Variants in CHRNA4 observed in about 807,000 individuals in gnomAD.
CHRNA4 encodes the protein neuronal acetylcholine receptor subunit alpha-4.
Under a neutral mutation model 48.9 loss-of-function variants are expected in CHRNA4, and 28 were observed. The observed-to-expected ratio is 0.57, with a 90% confidence interval of 0.42 to 0.79. CHRNA4 has a LOEUF of 0.79. CHRNA4 is among the 30% of genes least tolerant of loss of function. The pLI, the probability that CHRNA4 is intolerant of heterozygous loss-of-function variation, is 0.00. For missense variants in CHRNA4, 859 were observed against 898.4 expected (o/e 0.96, Z 0.56); for synonymous variants, 425 against 402.3 (o/e 1.06, Z -0.68).
rs2068778367 is a variant in CHRNA4, at chr20:63,359,752, A to G, written c.77-53T>C. 8 of 1,591,122 alleles carry G rather than the reference A, an allele frequency of 5.0e-6. No homozygotes were observed. The African/African-American group carries it at 8.1e-5, about 16-fold the overall frequency. On this transcript the variant is annotated intron_variant, in intron 1 of 5. Coordinates refer to ENST00000370263, the MANE Select transcript of CHRNA4 (RefSeq NM_000744.7). ...AGGTGCAGGCGGGACAGGAGCCGGG[A>G]GCTGTCCAGGAGCTCTCCAGGCTGC...
At chr20:63,354,520 G>A (rs1488289920) in intron 4 of CHRNA4, 3 of 943,308 alleles carry the variant, frequency 3.2e-6, no homozygotes, top group South Asian at 4.9e-5. Context: ...GTGGTCCTGG[G>A]GGAGCTGTGA....
At chr20:63,348,218 G>A (rs1208078887) in intron 5 of CHRNA4, among the ~76,000 whole-genome samples, 2 of 152,276 alleles carry the variant, frequency 1.3e-5, no homozygotes, top group South Asian at 2.1e-4. Flanking sequence ...GCGCGCGACC[G>A]CCGAGCTCAG....
At chr20:63,353,568 G>A (rs1314850883) in intron 4 of CHRNA4, among the ~76,000 whole-genome samples, 3 of 111,088 alleles carry the variant, frequency 2.7e-5, no homozygotes, top group African/African-American at 7.0e-5. Flanking sequence ...CTGTGGTCCT[G>A]GGGGGGCTGC....
At chr20:63,359,901 G>GTGTGTGTGTGCCGGGCGTGCGC (rs1183276313) in intron 1 of CHRNA4, 12 of 298,940 alleles carry the variant, frequency 4.0e-5, no homozygotes, top group East Asian at 3.2e-4. Flanking sequence ...CGTGTGCTGT[G>GTGTGTGTGTGCCGGGCGTGCGC]TGTGTGTGTG....
intron 1 of CHRNA4, chr20:63,360,195 A>G: frequency 1.1e-5 from 2 of 182,680 alleles, no homozygotes; most frequent in East Asian, 2.8e-4. Flanking sequence ...GAGGGAGTAC[A>G]GGGCAGCGGG....
At chr20:63,349,067 C>G (rs2123468314) in intron 5 of CHRNA4, among the ~76,000 whole-genome samples, 1 of 152,218 alleles carries the variant, frequency 6.6e-6, no homozygotes, top group Non-Finnish European at 1.5e-5. Context: ...CGTTCTGCCC[C>G]CAGCCCCTGG....
rs758623267 is a variant in CHRNA4 at position 63,346,013 on chromosome 20, C to T, written c.*725G>A. Reference sequence around the variant, plus strand: ...CGCTGGGGCTGGGTGTTCCTGTCCCCCGCGGAGGGCCTGCGCAGGGGAGAG... The same window carrying T: ...CGCTGGGGCTGGGTGTTCCTGTCCCTCGCGGAGGGCCTGCGCAGGGGAGAG... On this transcript the variant is annotated 3_prime_UTR_variant, in exon 6 of 6. Transcript: ENST00000370263. 1 of 453,940 alleles carries T rather than the reference C, an allele frequency of 2.2e-6. No homozygotes were observed. The highest frequency in any genetic ancestry group is 2.0e-5 in the African/African-American group (1 of 50,020). 28.1% of individuals were successfully genotyped at this position (453,940 alleles called of 1,614,324 possible).
rs45545534 is a variant in CHRNA4 at position 63,352,905 on chromosome 20, C to T, written c.384-1878G>A. On this transcript the variant is annotated intron_variant, in intron 4 of 5. Transcript: ENST00000370263. ...CTGCCCCGCCCACCCCTGGCTCCAGCCGCCCTCTGGGGAGCCTTTGAGGAG... is the reference window on the plus strand; with the variant it reads ...CTGCCCCGCCCACCCCTGGCTCCAGTCGCCCTCTGGGGAGCCTTTGAGGAG... Among the ~76,000 whole-genome samples, 153 of 152,242 alleles carry T rather than the reference C, an allele frequency of 1.0e-3. 3 individuals carry two copies. In the East Asian group the frequency reaches 0.029, roughly 28 times the overall value.
chr20:63,356,711 A>C (rs1051234133), intron 2 of CHRNA4: 1 of 518,076 alleles, frequency 1.9e-6, no homozygotes, highest in African/African-American at 1.9e-5. Flanking sequence ...GGGCATGGGG[A>C]GCCTCCTTCT....
intron 5 of CHRNA4, 186 bp downstream of exon 5, chr20:63,349,467 G>A (rs3899054): frequency 1.3e-6 from 1 of 787,862 alleles, no homozygotes; most frequent in Non-Finnish European, 2.0e-6. Context: ...GCCCCGCTCA[G>A]CCTGGGACCT....
At chr20:63,354,713 C>T (rs1042281015) in intron 4 of CHRNA4, 10 of 971,242 alleles carry the variant, frequency 1.0e-5, no homozygotes, top group African/African-American at 1.8e-5. Flanking sequence ...GCACCCAGAG[C>T]GGCTTCTCTG....
chr20:63,347,933 G>A (rs997391538), intron 5 of CHRNA4, among the ~76,000 whole-genome samples: 1 of 152,236 alleles, frequency 6.6e-6, no homozygotes, highest in Non-Finnish European at 1.5e-5. Context: ...GAAGCCTGAA[G>A]GCAAACGGGG....
Position 63,344,369 on chromosome 20 carries a change from A to G in CHRNA4, c.*2369T>C, listed in dbSNP as rs772707836. On this transcript the variant is annotated 3_prime_UTR_variant, in exon 6 of 6. Transcript: ENST00000370263. This position sits in a 1 kb window ranked among gnomAD's most constrained non-coding sequence, Gnocchi z 4.5. ...GTCTCCACTGAAGAGCATGCATCTCACCATATGTAAATTTTACCTTAATTA... is the reference window on the plus strand; with the variant it reads ...GTCTCCACTGAAGAGCATGCATCTCGCCATATGTAAATTTTACCTTAATTA... 9 of 453,984 alleles carry G rather than the reference A, an allele frequency of 2.0e-5. No homozygotes were observed. The highest frequency in any genetic ancestry group is 1.2e-4 in the Admixed American group (5 of 42,568). The allele number at this position is 453,984 out of a possible 1,614,324, so 28.1% of individuals were successfully genotyped here.
At chr20:63,359,978 C>T in intron 1 of CHRNA4, 1 of 430,868 alleles carries the variant, frequency 2.3e-6, no homozygotes, top group East Asian at 4.5e-5. Flanking sequence ...TCTCTCCCAC[C>T]CCTGGGTGTA....
At position 63,349,700 on chromosome 20, in the gene CHRNA4, C is replaced by A; in HGVS notation, c.1711G>T (p.Val571Phe). ...TTCAGGTGGTCTGCAATGTACTGGA[C>A]GCCCTCCACCGCCCGGGTCAGGGCC... ...SPALTRAVEG[V>F]QYIADHLKAE... is the part of the protein sequence containing the mutation. The change falls in exon 5 of 6, where the codon GTC (valine) becomes TTC (phenylalanine). Residue 571 changes from valine (V) to phenylalanine (F), a missense_variant. By Grantham distance (50) the Val-to-Phe change is conservative (BLOSUM62 -1). Around this residue, in one of 3 missense-constraint regions of CHRNA4, gnomAD observed 478 missense variants for 455.4 expected, o/e 1.05. Coordinates refer to ENST00000370263, the MANE Select transcript of CHRNA4 (RefSeq NM_000744.7). The A allele has an allele frequency of 6.2e-7, 1 of 1,612,874 alleles. No individual in the cohort carries two copies. The highest frequency in any genetic ancestry group is 1.3e-5 in the African/African-American group (1 of 75,050).
At position 63,345,739 on chromosome 20, in the gene CHRNA4, G is replaced by A. The variant is rs200855367; in HGVS notation, c.*999C>T. Reference sequence around the variant, plus strand: ...CCACCAGCTCCCCACAGCTACTGTAGCAGGAAGTCCTTCTTCCCGAACCCA... The same window carrying A: ...CCACCAGCTCCCCACAGCTACTGTAACAGGAAGTCCTTCTTCCCGAACCCA... On this transcript the variant is annotated 3_prime_UTR_variant, in exon 6 of 6. Transcript: ENST00000370263. This position sits in a 1 kb window ranked among gnomAD's most constrained non-coding sequence, Gnocchi z 5.4. The A allele has an allele frequency of 2.7e-5, 12 of 448,546 alleles. No individual in the cohort carries two copies. The highest frequency in any genetic ancestry group is 4.7e-5 in the Admixed American group (2 of 42,430). The allele number at this position is 448,546 out of a possible 1,614,324, so 27.8% of individuals were successfully genotyped here.
rs200645961 is a variant in CHRNA4, at chr20:63,346,047, G to A, written c.*691C>T. ...GCCTGCGCAGGGGAGAGCTGGTCCC[G>A]CGTGGGCCTCCCGATTCTCCCCACG... On this transcript the variant is annotated 3_prime_UTR_variant, in exon 6 of 6. Coordinates refer to ENST00000370263, the MANE Select transcript of CHRNA4 (RefSeq NM_000744.7). The A allele has an allele frequency of 2.4e-5, 11 of 453,852 alleles. No homozygotes were observed. The highest frequency in any genetic ancestry group is 7.1e-5 in the Admixed American group (3 of 42,538). 28.1% of individuals were successfully genotyped at this position (453,852 alleles called of 1,614,324 possible).
Position 63,346,486 on chromosome 20 carries a change from G to C in CHRNA4, c.*252C>G, listed in dbSNP as rs113458361. The C allele has an allele frequency of 4.5e-6, 3 of 663,972 alleles. No homozygotes were observed. The Admixed American group carries it at 6.2e-5, about 14-fold the overall frequency. 41.1% of individuals were successfully genotyped at this position (663,972 alleles called of 1,614,324 possible). A position where few individuals can be genotyped will look rare whatever the true frequency, so the allele number is the denominator to read the frequency against. ...CCGAGTCCTGCAGGTAGAAGGCGCC[G>C]ACCCCCACCTCTGCTCCAAGCCACT... On this transcript the variant is annotated 3_prime_UTR_variant, in exon 6 of 6. Transcript: ENST00000370263.
In CHRNA4 at chr20:63,346,258, T is replaced by C. The variant is rs748855482; in HGVS notation, c.*480A>G. On this transcript the variant is annotated 3_prime_UTR_variant, in exon 6 of 6. Transcript: ENST00000370263. ...AGGCTCAAGGACCCTGGGGGAGAAG[T>C]TGAAGCCCACACAGGCGCAGGACAC... 1 of 452,794 alleles carries C rather than the reference T, an allele frequency of 2.2e-6. No homozygotes were observed. The highest frequency in any genetic ancestry group is 1.6e-5 in the South Asian group (1 of 64,326). 28.0% of individuals were successfully genotyped at this position (452,794 alleles called of 1,614,324 possible).
Sources: allele counts gnomAD v4.1 joint callset (sites outside exome capture counted in the v4.1 genomes callset), GRCh38; gene constraint gnomAD v4.1.1; regional missense constraint gnomAD v4.1.1; non-coding constraint Gnocchi (gnomAD v3.1); transcripts MANE v1.5; gene names NCBI Gene and HGNC (gene_info 2026-07-23, HGNC 2026-07-21).